The following STX18 variants were observed in gnomAD, a reference collection of about 807,000 sequenced individuals.
STX18 encodes syntaxin-18.
In STX18, 40 loss-of-function variants were observed where a neutral mutation model predicts 50.1. The ratio of observed to expected loss-of-function variants is 0.80; its 90% CI spans 0.62 to 1.04. The LOEUF (loss-of-function observed/expected upper bound fraction) is 1.04. Ranked by LOEUF, STX18 falls within the 50% of genes least tolerant of loss-of-function variation. The pLI, the probability that STX18 is intolerant of heterozygous loss-of-function variation, is 0.00. For missense variants in STX18, 410 were observed against 415.8 expected (o/e 0.99, Z 0.12); for synonymous variants, 158 against 151.8 (o/e 1.04, Z -0.30).
At chr4:4,427,136 C>G (rs543133812) in intron 7 of STX18, among the ~76,000 whole-genome samples, 315 of 152,320 alleles carry the variant, frequency 2.1e-3, no homozygotes, top group Non-Finnish European at 3.5e-3. Flanking sequence ...CTGAGCCCAG[C>G]CCAGGGCCTC....
intron 2 of STX18, among the ~76,000 whole-genome samples, chr4:4,468,580 C>T (rs762511083): frequency 1.6e-4 from 24 of 152,086 alleles, no homozygotes; most frequent in Non-Finnish European, 3.2e-4. Context: ...GCAGCCAAGC[C>T]TGGGCTCGGT....
intron 7 of STX18, among the ~76,000 whole-genome samples, chr4:4,430,827 A>G (rs568302714): frequency 6.6e-6 from 1 of 152,244 alleles, no homozygotes; most frequent in African/African-American, 2.4e-5. Context: ...GCTTGAGACA[A>G]TTCTGTGGGG....
chr4:4,451,648 T>C (rs1262512471), intron 5 of STX18, among the ~76,000 whole-genome samples: 4 of 152,238 alleles, frequency 2.6e-5, no homozygotes, highest in Admixed American at 2.6e-4. Flanking sequence ...GATGTGACTT[T>C]TGTAACTGTT....
At chr4:4,462,412 G>A (rs1727427361) in intron 2 of STX18, among the ~76,000 whole-genome samples, 4 of 152,198 alleles carry the variant, frequency 2.6e-5, no homozygotes, top group Admixed American at 2.6e-4. Context: ...TCATTCACAT[G>A]ATAAATACAT....
chr4:4,423,384 C>T (rs763141676), intron 9 of STX18, 134 bp downstream of exon 9: 22 of 848,326 alleles, frequency 2.6e-5, no homozygotes, highest in Non-Finnish European at 4.0e-5. Flanking sequence ...GCTCTGCGCA[C>T]ACACACCTGC....
chr4:4,484,723 C>T (rs993411309), intron 1 of STX18, among the ~76,000 whole-genome samples: 3 of 152,176 alleles, frequency 2.0e-5, no homozygotes, highest in Admixed American at 6.5e-5. Flanking sequence ...AAATATTCTC[C>T]TCCCCTACCT....
At chr4:4,455,847 C>G (rs1010608052) in intron 5 of STX18, among the ~76,000 whole-genome samples, 4 of 152,168 alleles carry the variant, frequency 2.6e-5, no homozygotes, top group Non-Finnish European at 4.4e-5. Flanking sequence ...GTCCCACATG[C>G]CTTTTCCTTT....
intron 2 of STX18, among the ~76,000 whole-genome samples, chr4:4,460,975 A>G (rs1035836016): frequency 6.6e-6 from 1 of 152,164 alleles, no homozygotes; most frequent in African/African-American, 2.4e-5. Flanking sequence ...CATCGGAAAT[A>G]GAGGCTAACG....
chr4:4,528,216 G>A (rs993149441), intron 1 of STX18, among the ~76,000 whole-genome samples: 2 of 152,036 alleles, frequency 1.3e-5, no homozygotes, highest in Non-Finnish European at 2.9e-5. Flanking sequence ...CCTATCAGAA[G>A]CCAGGGGGCA....
chr4:4,532,680 G>A (rs940786023), intron 1 of STX18, among the ~76,000 whole-genome samples: 3 of 152,098 alleles, frequency 2.0e-5, no homozygotes, highest in African/African-American at 7.2e-5. Flanking sequence ...ACCCAGAGAG[G>A]TTAGGTGAGT....
intron 1 of STX18, among the ~76,000 whole-genome samples, chr4:4,496,161 G>C (rs2108870900): frequency 6.6e-6 from 1 of 152,282 alleles, no homozygotes; most frequent in South Asian, 2.1e-4. Context: ...AAGAAACTGA[G>C]TGTCAGAGGG....
chr4:4,469,425 G>A (rs917958453), intron 2 of STX18, among the ~76,000 whole-genome samples: 2 of 152,104 alleles, frequency 1.3e-5, no homozygotes. Context: ...GTGAAATGAA[G>A]CGACAGGGCC....
At chr4:4,472,078 T>C (rs1373603585) in intron 1 of STX18, among the ~76,000 whole-genome samples, 1 of 152,238 alleles carries the variant, frequency 6.6e-6, no homozygotes, top group Non-Finnish European at 1.5e-5. Flanking sequence ...CCAAGTGTTC[T>C]AAGGGACAGT....
chr4:4,492,751 C>A (rs1577371635), intron 1 of STX18, among the ~76,000 whole-genome samples: 1 of 152,130 alleles, frequency 6.6e-6, no homozygotes. Context: ...AGAAACCAGT[C>A]GAGGATGTCT....
chr4:4,539,658 C>T (rs1447367774), intron 1 of STX18, among the ~76,000 whole-genome samples: 1 of 152,194 alleles, frequency 6.6e-6, no homozygotes, highest in Non-Finnish European at 1.5e-5. Context: ...CATTGTCATG[C>T]GGTCCAACCC....
intron 1 of STX18, among the ~76,000 whole-genome samples, chr4:4,480,614 A>G (rs1728413554): frequency 6.6e-6 from 1 of 152,190 alleles, no homozygotes; most frequent in South Asian, 2.1e-4. Context: ...GTGGCTCCTC[A>G]ATAACTATTT....
At chr4:4,501,280 C>T (rs1729445578) in intron 1 of STX18, among the ~76,000 whole-genome samples, 1 of 152,112 alleles carries the variant, frequency 6.6e-6, no homozygotes, top group African/African-American at 2.4e-5. Flanking sequence ...TAAAATATAG[C>T]CACATTTTTG....
At chr4:4,514,367 C>G (rs183872281) in intron 1 of STX18, among the ~76,000 whole-genome samples, 1 of 152,306 alleles carries the variant, frequency 6.6e-6, no homozygotes, top group African/African-American at 2.4e-5. Context: ...AATTCATTCT[C>G]TCACTGGTCT....
chr4:4,508,401 G>GT (rs202121583), intron 1 of STX18, among the ~76,000 whole-genome samples: 58 of 150,636 alleles, frequency 3.9e-4, no homozygotes, highest in Middle Eastern at 3.4e-3. Flanking sequence ...TGAAAATCTT[G>GT]TTTTTTTTTG....
Sources: allele counts gnomAD v4.1 joint callset (sites outside exome capture counted in the v4.1 genomes callset), GRCh38; gene constraint gnomAD v4.1.1; transcripts MANE v1.5; gene names NCBI Gene and HGNC (gene_info 2026-07-23, HGNC 2026-07-21).